BAG4: variants seen among roughly 807,000 people sequenced by gnomAD.
The protein encoded by BAG4 is BAG cochaperone 4, also known as BAG family molecular chaperone regulator 4.
A neutral mutation model predicts 52.1 loss-of-function variants in BAG4; 28 were observed. The observed-to-expected ratio is 0.54, with a 90% CI of 0.40 to 0.74. The LOEUF (loss-of-function observed/expected upper bound fraction) is 0.74, where lower values mean the gene tolerates loss of function less well. Ranked by LOEUF, BAG4 falls within the 30% of genes least tolerant of loss-of-function variation. The pLI, the probability that BAG4 is intolerant of heterozygous loss-of-function variation, is 0.00. For synonymous variants in BAG4, 208 were observed against 217.0 expected (o/e 0.96, Z 0.37); for missense variants, 525 against 572.0 (o/e 0.92, Z 0.84).
At chr8:38,187,405 A>G (rs956128672) in intron 1 of BAG4, among the ~76,000 whole-genome samples, 7 of 152,226 alleles carry the variant, frequency 4.6e-5, no homozygotes, top group African/African-American at 1.7e-4. Context: ...AGATTATGCA[A>G]TATGAAGGAG....
intron 1 of BAG4, 63 bp from the exon 2 acceptor site, chr8:38,192,625 A>G: frequency 2.3e-6 from 3 of 1,318,244 alleles, no homozygotes; most frequent in Non-Finnish European, 3.2e-6. Context: ...TGCCTCTATC[A>G]ATCTATCTTA....
Position 38,212,400 on chromosome 8 carries a change from C to T in BAG4, c.*1907C>T, listed in dbSNP as rs1360980348. 1 of 152,114 alleles carries T rather than the reference C, an allele frequency of 6.6e-6. No homozygotes were observed. The highest frequency in any genetic ancestry group is 2.4e-5 in the African/African-American group (1 of 41,422). The allele number at this position is 152,114 out of a possible 1,614,324, so 9.4% of individuals were successfully genotyped here. A position where few individuals can be genotyped will look rare whatever the true frequency, so the allele number is the denominator to read the frequency against. On this transcript the variant is annotated 3_prime_UTR_variant, in exon 5 of 5. Transcript: ENST00000287322. Reference sequence around the variant, plus strand: ...AGCTTTTGAGATAATTTTAGACTTACAGAAGAGTTGTAAAAGTAGTAGAGT... The same window carrying T: ...AGCTTTTGAGATAATTTTAGACTTATAGAAGAGTTGTAAAAGTAGTAGAGT...
At chr8:38,193,485 A>G (rs538389366) in intron 2 of BAG4, among the ~76,000 whole-genome samples, 19 of 152,322 alleles carry the variant, frequency 1.2e-4, no homozygotes, top group African/African-American at 4.6e-4. Context: ...TCTGTTTGCC[A>G]CATTTGTTTC....
At chr8:38,200,561 T>G (rs987867233) in intron 2 of BAG4, among the ~76,000 whole-genome samples, 1 of 152,206 alleles carries the variant, frequency 6.6e-6, no homozygotes, top group East Asian at 1.9e-4. Context: ...TAGGATCAGC[T>G]TTTCAACTTA....
intron 2 of BAG4, among the ~76,000 whole-genome samples, chr8:38,204,405 A>T (rs550713274): frequency 1.3e-5 from 2 of 151,454 alleles, no homozygotes; most frequent in East Asian, 3.9e-4. Context: ...CTGTGGTCCC[A>T]GTTACTTAGG....
chr8:38,194,683 G>T (rs1455207551), intron 2 of BAG4, among the ~76,000 whole-genome samples: 1 of 151,448 alleles, frequency 6.6e-6, no homozygotes, highest in Non-Finnish European at 1.5e-5. Context: ...CAAAGTGCTG[G>T]GATTACAGGC....
Position 38,177,108 on chromosome 8 carries a change from C to T in BAG4, c.239C>T (p.Pro80Leu), listed in dbSNP as rs1803172178. 6.2e-7 allele frequency: 1 copy of T among 1,612,794 alleles called. No individual in the cohort carries two copies. Among genetic ancestry groups the T allele is most frequent in the Non-Finnish European group, 8.5e-7 (1 of 1,179,938 alleles). The change falls in exon 1 of 5, where the codon CCA (proline) becomes CTA (leucine). Residue 80 changes from proline (P) to leucine (L), a missense_variant. By Grantham distance (98) the Pro-to-Leu change is moderately conservative. Coordinates refer to ENST00000287322, the MANE Select transcript of BAG4 (RefSeq NM_004874.4). ...TACTATCCCTCGGGAGGCGCCTGGC[C>T]AGAGCCTGGTCGAGCCGGAGGAAGC... Reference protein sequence around the residue: ...DGYYPSGGAWPEPGRAGGSHQ... With the variant: ...DGYYPSGGAWLEPGRAGGSHQ...
In BAG4 at chr8:38,207,692, A is replaced by C. The variant is rs775602909; in HGVS notation, c.559A>C (p.Ile187Leu). ...GNSPTPVSRW[I>L]YPQQDCQTEA... ...CAGCCCAACTCCAGTCTCTCGTTGG[A>C]TCTATCCCCAGCAGGACTGTCAGAC... is the stretch of plus-strand genomic sequence containing the variant. The change falls in exon 3 of 5, where the codon ATC becomes CTC. Residue 187 changes from isoleucine to leucine, a missense_variant. Coordinates refer to ENST00000287322, the MANE Select transcript of BAG4 (RefSeq NM_004874.4). 2.0e-5 allele frequency: 33 copies of C among 1,613,924 alleles called. No individual in the cohort carries two copies. The Admixed American group carries it at 5.3e-4, about 26-fold the overall frequency.
intron 2 of BAG4, among the ~76,000 whole-genome samples, chr8:38,201,194 A>G (rs1272308531): frequency 2.6e-5 from 4 of 152,230 alleles, no homozygotes; most frequent in East Asian, 1.9e-4. Flanking sequence ...TAGATACAAC[A>G]TACAAGTTGT....
Position 38,209,281 on chromosome 8 carries a change from ATGT to A in BAG4, c.888+19_888+21del, listed in dbSNP as rs773505944. On this transcript the variant is annotated intron_variant, in intron 4 of 4. Transcript: ENST00000287322. ...CAGCAGCCCAAGGTAGGAGACCTAAATGTTGTTCCTTTAATGTGTGTGTAATTA... is the reference window on the plus strand; with the variant it reads ...CAGCAGCCCAAGGTAGGAGACCTAAATGTTCCTTTAATGTGTGTGTAATTA... The A allele has an allele frequency of 6.8e-6, 11 of 1,614,060 alleles. No individual in the cohort carries two copies. Among genetic ancestry groups the A allele is most frequent in the Non-Finnish European group, 8.5e-7 (1 of 1,179,976 alleles).
chr8:38,197,844 C>T (rs565333756), intron 2 of BAG4, among the ~76,000 whole-genome samples: 2 of 151,934 alleles, frequency 1.3e-5, no homozygotes, highest in Admixed American at 6.6e-5. Context: ...GGACTACAGG[C>T]GTGTGCCACC....
chr8:38,181,886 CAAAAAAAAAAAAAAAAA>C (rs34268146), intron 1 of BAG4, among the ~76,000 whole-genome samples: 1 of 37,244 alleles, frequency 2.7e-5, no homozygotes, highest in Admixed American at 4.9e-4. Context: ...GAGACTATCT[CAAAAAAAAAAAAAAAAA>C]AAAAAAAAAA....
chr8:38,210,013 T>C lies in BAG4; in HGVS notation c.894T>C (p.Ser298=). 1.2e-6 allele frequency: 2 copies of C among 1,613,622 alleles called. No individual in the cohort carries two copies. The highest frequency in any genetic ancestry group is 2.7e-5 in the African/African-American group (2 of 75,064). Residue 298 remains serine, a synonymous_variant, in exon 5 of 5, where the codon TCT becomes TCC. Coordinates refer to ENST00000287322, the MANE Select transcript of BAG4 (RefSeq NM_004874.4). ...PSPPVQQPKD[S]SYPYSQSDQS... ...TTTTGCTCTCCCACTCCAAGGATTC[T>C]TCATACCCCTATAGCCAATCAGATC...
chr8:38,194,144 T>G (rs1351766069), intron 2 of BAG4, among the ~76,000 whole-genome samples: 1 of 152,128 alleles, frequency 6.6e-6, no homozygotes, highest in Admixed American at 6.5e-5. Context: ...AGTGCTGGGT[T>G]TACAAGCATG....
At chr8:38,194,847 G>GT (rs533901451) in intron 2 of BAG4, among the ~76,000 whole-genome samples, 1,879 of 116,290 alleles carry the variant, frequency 0.016, 7 homozygotes, top group East Asian at 0.033. Context: ...GTTTTTTTTT[G>GT]TTTTTTTTTT....
intron 1 of BAG4, among the ~76,000 whole-genome samples, chr8:38,188,945 C>T (rs1221721024): frequency 6.7e-6 from 1 of 149,640 alleles, no homozygotes; most frequent in African/African-American, 2.5e-5. Context: ...GGGTGTGTGC[C>T]ACCATGCCCG....
At chr8:38,183,130 C>T (rs1344596062) in intron 1 of BAG4, among the ~76,000 whole-genome samples, 16 of 150,932 alleles carry the variant, frequency 1.1e-4, no homozygotes, top group South Asian at 2.1e-4. Context: ...CTGCAAGCTC[C>T]GCCTCCCGGG....
intron 1 of BAG4, among the ~76,000 whole-genome samples, chr8:38,180,941 ATTTTT>A (rs56111009): frequency 1.4e-5 from 2 of 138,308 alleles, no homozygotes; most frequent in African/African-American, 5.4e-5. Context: ...ATCTATCACT[ATTTTT>A]TTTTTTTTTT....
intron 2 of BAG4, among the ~76,000 whole-genome samples, chr8:38,200,421 G>C (rs1803641525): frequency 6.6e-6 from 1 of 152,086 alleles, no homozygotes; most frequent in African/African-American, 2.4e-5. Context: ...GATTACTGTG[G>C]CTCTGAAGTA....
Sources: gnomAD v4.1 joint callset for allele counts (sites outside exome capture counted in the v4.1 genomes callset) on GRCh38, gnomAD v4.1.1 for gene constraint, MANE v1.5 for transcripts, NCBI Gene and HGNC (gene_info 2026-07-23, HGNC 2026-07-21) for gene names.